Variants in DLGAP1 observed in about 807,000 individuals in gnomAD.
DLGAP1 encodes DLG associated protein 1, also known as disks large-associated protein 1.
A neutral mutation model predicts 90.8 loss-of-function variants in DLGAP1; 11 were observed. That is an observed-to-expected ratio of 0.12 (90% CI 0.08 to 0.20). The LOEUF (loss-of-function observed/expected upper bound fraction) is 0.20, where lower values mean the gene tolerates loss of function less well. Ranked by LOEUF, DLGAP1 falls within the 10% of genes least tolerant of loss-of-function variation. The pLI is 1.00. For missense variants in DLGAP1, 1,050 were observed against 1,333.8 expected (o/e 0.79, Z 3.31); for synonymous variants, 558 against 540.7 (o/e 1.03, Z -0.44).
At chr18:4,177,727 T>C (rs1241786069) in intron 1 of DLGAP1, among the ~76,000 whole-genome samples, 2 of 152,178 alleles carry the variant, frequency 1.3e-5, no homozygotes, top group Non-Finnish European at 2.9e-5. Context: ...ATTTGTTTTT[T>C]TGTTACTGTG....
intron 7 of DLGAP1, among the ~76,000 whole-genome samples, chr18:3,621,832 G>A (rs886239484): frequency 2.6e-5 from 4 of 152,124 alleles, no homozygotes; most frequent in African/African-American, 9.7e-5. Flanking sequence ...GCTGGGCATG[G>A]TGGCATGCCT....
chr18:3,639,436 G>A (rs2058843941), intron 7 of DLGAP1, among the ~76,000 whole-genome samples: 1 of 151,046 alleles, frequency 6.6e-6, no homozygotes, highest in Non-Finnish European at 1.5e-5. Context: ...TGACCTGGGT[G>A]CTATTAGCAG....
intron 1 of DLGAP1, among the ~76,000 whole-genome samples, chr18:4,441,092 C>G (rs1016241059): frequency 6.6e-6 from 1 of 152,192 alleles, no homozygotes; most frequent in Non-Finnish European, 1.5e-5. Flanking sequence ...AAGTTCTTGT[C>G]TGAGCGGCAC....
At chr18:4,352,538 T>C (rs944760754) in intron 1 of DLGAP1, among the ~76,000 whole-genome samples, 1 of 152,156 alleles carries the variant, frequency 6.6e-6, no homozygotes, top group Non-Finnish European at 1.5e-5. Flanking sequence ...CAAAGATAAA[T>C]GTCCTCTTTA....
intron 7 of DLGAP1, among the ~76,000 whole-genome samples, chr18:3,672,980 C>T (rs1220301166): frequency 6.6e-6 from 1 of 152,172 alleles, no homozygotes; most frequent in Non-Finnish European, 1.5e-5. Context: ...CAGTCTTTTG[C>T]CTCTTTAATT....
intron 1 of DLGAP1, among the ~76,000 whole-genome samples, chr18:4,408,300 T>C (rs1419339176): frequency 1.3e-5 from 2 of 151,882 alleles, no homozygotes; most frequent in Non-Finnish European, 2.9e-5. Context: ...AGAACAGAGG[T>C]ACTATGCCAG....
intron 7 of DLGAP1, chr18:3,656,308 C>T (rs2059481326): frequency 4.1e-6 from 2 of 489,596 alleles, no homozygotes; most frequent in Non-Finnish European, 7.1e-6. Flanking sequence ...GTCTTCTTTT[C>T]CCCCACTAAA....
At chr18:3,762,722 A>G (rs2064025336) in intron 5 of DLGAP1, among the ~76,000 whole-genome samples, 1 of 152,190 alleles carries the variant, frequency 6.6e-6, no homozygotes, top group Non-Finnish European at 1.5e-5. Context: ...AATCGCCTTC[A>G]ATGGTTCTGA....
chr18:3,547,208 G>T (rs2053094587), intron 9 of DLGAP1, among the ~76,000 whole-genome samples: 1 of 150,474 alleles, frequency 6.6e-6, no homozygotes, highest in Non-Finnish European at 1.5e-5. Flanking sequence ...GGCTGAGGCA[G>T]GAGAATGGCT....
chr18:3,711,087 A>AG lies in DLGAP1; in HGVS notation c.1591+18047dup, dbSNP rs1286859889. ...CGACAGAGGAAGTCAGAGAGCCAGG[A>AG]GGGGCCGCCCTGGGCAAGGTCTGGC... On this transcript the variant is annotated intron_variant, in intron 7 of 12. Transcript: ENST00000315677. This position sits in a 1 kb window ranked among gnomAD's most constrained non-coding sequence, Gnocchi z 4.0. 6.6e-6 allele frequency among the ~76,000 whole-genome samples: 1 copy of AG among 152,234 alleles called. No individual in the cohort carries two copies. Among genetic ancestry groups the AG allele is most frequent in the Non-Finnish European group, 1.5e-5 (1 of 68,044 alleles).
chr18:4,218,791 A>G (rs1054807560), intron 1 of DLGAP1, among the ~76,000 whole-genome samples: 3 of 150,272 alleles, frequency 2.0e-5, no homozygotes, highest in Non-Finnish European at 4.4e-5. Context: ...TTGTGTGTAT[A>G]TACTTAAGTG....
chr18:4,251,767 G>A (rs1418864836), intron 1 of DLGAP1, among the ~76,000 whole-genome samples: 2 of 152,316 alleles, frequency 1.3e-5, no homozygotes, highest in South Asian at 2.1e-4. Context: ...AATCATGAAC[G>A]CACAACTGTG....
In DLGAP1 at chr18:4,420,172, T is replaced by G. The variant is rs76114393; in HGVS notation, c.-267+34834A>C. 8.5e-5 allele frequency among the ~76,000 whole-genome samples: 13 copies of G among 152,284 alleles called. No homozygotes were observed. In the East Asian group the frequency reaches 2.5e-3, roughly 29 times the overall value. On this transcript the variant is annotated intron_variant, in intron 1 of 12. Transcript: ENST00000315677. ...AATTCTAAATATGTACCCTAGAGCT[T>G]TAAAAGATGTAAAGCAAAATCTGAT...
intron 2 of DLGAP1, among the ~76,000 whole-genome samples, chr18:4,033,521 G>C (rs542764636): frequency 2.6e-5 from 4 of 151,952 alleles, no homozygotes; most frequent in African/African-American, 9.7e-5. Flanking sequence ...AAAACTGTTG[G>C]ATAATAAATT....
chr18:3,734,124 A>T (rs1160069907), intron 6 of DLGAP1, among the ~76,000 whole-genome samples: 2 of 152,036 alleles, frequency 1.3e-5, no homozygotes, highest in Non-Finnish European at 2.9e-5. Flanking sequence ...TGTTTTTCTT[A>T]CTTGTTCTGT....
intron 7 of DLGAP1, among the ~76,000 whole-genome samples, chr18:3,704,825 T>C (rs1380608786): frequency 2.6e-5 from 4 of 152,144 alleles, no homozygotes; most frequent in African/African-American, 9.7e-5. Flanking sequence ...GCTGTGGTCA[T>C]AGAGACTGGC....
chr18:4,354,987 C>T (rs1191524979), intron 1 of DLGAP1, among the ~76,000 whole-genome samples: 1 of 149,042 alleles, frequency 6.7e-6, no homozygotes, highest in Non-Finnish European at 1.5e-5. Flanking sequence ...AAATGCTCGC[C>T]AGGATGCAGA....
chr18:4,257,514 A>C (rs2078913182), intron 1 of DLGAP1, among the ~76,000 whole-genome samples: 1 of 152,250 alleles, frequency 6.6e-6, no homozygotes, highest in Non-Finnish European at 1.5e-5. Context: ...TTCATCACAG[A>C]AAGTTATACA....
intron 5 of DLGAP1, among the ~76,000 whole-genome samples, chr18:3,749,769 A>C (rs2063425377): frequency 6.6e-6 from 1 of 152,138 alleles, no homozygotes; most frequent in African/African-American, 2.4e-5. Context: ...AAATGAACAC[A>C]TACCTTTCTC....
Sources: gnomAD v4.1 joint callset for allele counts (sites outside exome capture counted in the v4.1 genomes callset) on GRCh38, gnomAD v4.1.1 for gene constraint, Gnocchi (gnomAD v3.1) non-coding constraint, MANE v1.5 for transcripts, NCBI Gene and HGNC (gene_info 2026-07-23, HGNC 2026-07-21) for gene names.